SKAP2: variants seen among roughly 807,000 people sequenced by gnomAD.
The protein encoded by SKAP2 is src kinase-associated phosphoprotein 2.
A neutral mutation model predicts 54.9 loss-of-function variants in SKAP2; 28 were observed. The observed-to-expected ratio is 0.51, with a 90% CI of 0.38 to 0.70. The LOEUF (loss-of-function observed/expected upper bound fraction) is 0.70. Ranked by LOEUF, SKAP2 falls within the 30% of genes least tolerant of loss-of-function variation. The probability of loss-of-function intolerance (pLI) is 0.00; values close to 1 mark genes in which losing one functional copy is unlikely to be tolerated. For synonymous variants in SKAP2, 137 were observed against 134.3 expected (o/e 1.02, Z -0.14); for missense variants, 356 against 424.1 (o/e 0.84, Z 1.41).
intron 7 of SKAP2, among the ~76,000 whole-genome samples, chr7:26,726,449 T>C (rs952957898): frequency 1.3e-5 from 2 of 152,184 alleles, no homozygotes; most frequent in Non-Finnish European, 2.9e-5. Flanking sequence ...AGCTGATAGC[T>C]ATTGAATTGC....
chr7:26,781,483 A>T (rs1011244781), intron 4 of SKAP2, among the ~76,000 whole-genome samples: 1 of 152,206 alleles, frequency 6.6e-6, no homozygotes, highest in Admixed American at 6.6e-5. Context: ...AGATATTTGC[A>T]TATTTATCTG....
At chr7:26,654,830 T>G in the SKAP2 span, among the ~76,000 whole-genome samples, 2 of 152,374 alleles carry the variant, frequency 1.3e-5, no homozygotes, top group South Asian at 2.1e-4. Context: ...ACATTTGTTA[T>G]GCAGACACTA....
At chr7:26,776,114 G>T (rs182642482) in intron 4 of SKAP2, among the ~76,000 whole-genome samples, 17 of 151,848 alleles carry the variant, frequency 1.1e-4, no homozygotes, top group Non-Finnish European at 2.1e-4. Context: ...CCCCTAAAAC[G>T]CTCTTCTCCT....
intron 1 of SKAP2, chr7:26,855,114 T>C (rs1322290709): frequency 9.5e-6 from 3 of 317,430 alleles, no homozygotes; most frequent in African/African-American, 2.1e-5. Context: ...CTACTTATGC[T>C]TACCACAGCA....
At chr7:26,688,526 G>A (rs1786700198) in intron 10 of SKAP2, among the ~76,000 whole-genome samples, 1 of 152,162 alleles carries the variant, frequency 6.6e-6, no homozygotes, top group South Asian at 2.1e-4. Context: ...GCCCTGCATG[G>A]CAAACAAACT....
chr7:26,794,739 G>A (rs1783737857), intron 4 of SKAP2, among the ~76,000 whole-genome samples: 2 of 152,048 alleles, frequency 1.3e-5, no homozygotes, highest in African/African-American at 4.8e-5. Context: ...TAAGAAGGCA[G>A]ATATCTTGTC....
intron 9 of SKAP2, among the ~76,000 whole-genome samples, chr7:26,701,120 T>C (rs1361685289): frequency 1.3e-5 from 2 of 152,198 alleles, no homozygotes; most frequent in Non-Finnish European, 2.9e-5. Flanking sequence ...CAGTGACTTA[T>C]TTATATTACC....
chr7:26,675,077 T>G (rs1358562862), intron 11 of SKAP2, among the ~76,000 whole-genome samples: 2 of 152,170 alleles, frequency 1.3e-5, no homozygotes, highest in Non-Finnish European at 2.9e-5. Flanking sequence ...CACCACTAAT[T>G]CAGGCCTTCA....
chr7:26,775,761 T>C (rs940292565), intron 4 of SKAP2, among the ~76,000 whole-genome samples: 1 of 152,196 alleles, frequency 6.6e-6, no homozygotes, highest in African/African-American at 2.4e-5. Context: ...ATTTCAAGAA[T>C]GTCATATAAA....
chr7:26,802,773 CGGGA>C (rs1299111595), intron 4 of SKAP2, among the ~76,000 whole-genome samples: 1 of 151,886 alleles, frequency 6.6e-6, no homozygotes, highest in Non-Finnish European at 1.5e-5. Context: ...CCCAGCTACT[CGGGA>C]GGGTGAGGCA....
At chr7:26,820,090 G>A (rs76343726) in intron 4 of SKAP2, among the ~76,000 whole-genome samples, 3,118 of 152,276 alleles carry the variant, frequency 0.02, 98 homozygotes, top group African/African-American at 0.071. Flanking sequence ...GGCTGAGGCA[G>A]GAATATTGCT....
chr7:26,753,220 G>T (rs970043265), intron 4 of SKAP2, among the ~76,000 whole-genome samples: 2 of 152,186 alleles, frequency 1.3e-5, no homozygotes, highest in Non-Finnish European at 2.9e-5. Context: ...GGTATTTACA[G>T]TATCAGGCTA....
intron 6 of SKAP2, among the ~76,000 whole-genome samples, chr7:26,735,109 A>G (rs1360858617): frequency 6.6e-6 from 1 of 152,112 alleles, no homozygotes; most frequent in Non-Finnish European, 1.5e-5. Flanking sequence ...ACCCCACAGC[A>G]TCCTTCCCTC....
intron 9 of SKAP2, among the ~76,000 whole-genome samples, chr7:26,713,789 C>T (rs1787363969): frequency 1.3e-5 from 2 of 151,918 alleles, no homozygotes; most frequent in Admixed American, 6.5e-5. Flanking sequence ...TTAGTAGAGA[C>T]GGGGTTTCAC....
chr7:26,743,974 C>T (rs1274624450), intron 4 of SKAP2, among the ~76,000 whole-genome samples: 1 of 152,060 alleles, frequency 6.6e-6, no homozygotes, highest in Non-Finnish European at 1.5e-5. Flanking sequence ...TGCCTTAAAG[C>T]TTTTGCTTTA....
chr7:26,805,203 T>A (rs773530879), intron 4 of SKAP2, among the ~76,000 whole-genome samples: 6 of 152,090 alleles, frequency 3.9e-5, no homozygotes, highest in African/African-American at 4.8e-5. Flanking sequence ...AAATAAAAAA[T>A]TTTTAATCAG....
At position 26,680,286 on chromosome 7, in the gene SKAP2, C is replaced by A. The variant is rs538844174; in HGVS notation, c.987+4450G>T. Among the ~76,000 whole-genome samples, 3 of 152,140 alleles carry A rather than the reference C, an allele frequency of 2.0e-5. No individual in the cohort carries two copies. The South Asian group carries it at 6.2e-4, about 32-fold the overall frequency. ...AAGGCATTTGGGACCTCAGAATATA[C>A]CTATTGCTATATAATCTGGATCCTG... is the stretch of plus-strand genomic sequence containing the variant. On this transcript the variant is annotated intron_variant, in intron 11 of 12. Coordinates refer to ENST00000345317, the MANE Select transcript of SKAP2 (RefSeq NM_003930.5).
chr7:26,736,062 G>GT (rs1787933478), intron 6 of SKAP2, among the ~76,000 whole-genome samples: 1 of 152,124 alleles, frequency 6.6e-6, no homozygotes, highest in Admixed American at 6.6e-5. Context: ...TGCTAAAATG[G>GT]TAATTTTTTT....
At chr7:26,753,284 T>C (rs1317768279) in intron 4 of SKAP2, among the ~76,000 whole-genome samples, 1 of 152,174 alleles carries the variant, frequency 6.6e-6, no homozygotes, top group Non-Finnish European at 1.5e-5. Flanking sequence ...AAGGGGATCA[T>C]AAGGCAGTGT....
Sources: allele counts gnomAD v4.1 joint callset (sites outside exome capture counted in the v4.1 genomes callset), GRCh38; gene constraint gnomAD v4.1.1; transcripts MANE v1.5; gene names NCBI Gene and HGNC (gene_info 2026-07-23, HGNC 2026-07-21).